Variants in C14orf132 observed in about 807,000 individuals in gnomAD.
The protein encoded by C14orf132 is chromosome 14 open reading frame 132.
A neutral mutation model predicts 5.8 loss-of-function variants in C14orf132; 6 were observed. That is an observed-to-expected ratio of 1.03 (90% CI 0.57 to 2.04). The LOEUF (loss-of-function observed/expected upper bound fraction) is 2.04. C14orf132 is among the 30% of genes most tolerant of loss of function. C14orf132 has a pLI of 0.00. For synonymous variants in C14orf132, 51 were observed against 49.8 expected (o/e 1.02, Z -0.10); for missense variants, 125 against 115.8 (o/e 1.08, Z -0.37).
At chr14:96,072,401 G>A (rs192237343) in intron 1 of C14orf132, among the ~76,000 whole-genome samples, 108 of 152,286 alleles carry the variant, frequency 7.1e-4, no homozygotes, top group African/African-American at 2.4e-3. Context: ...CACCTCCCAG[G>A]GGCCCTGAGG....
intron 1 of C14orf132, among the ~76,000 whole-genome samples, chr14:96,060,478 A>G (rs1887319247): frequency 6.6e-6 from 1 of 152,102 alleles, no homozygotes. Context: ...GTGCATGTTC[A>G]TTGCTTGAGT....
chr14:96,074,638 G>T (rs1887807941), intron 1 of C14orf132, among the ~76,000 whole-genome samples: 5 of 150,346 alleles, frequency 3.3e-5, no homozygotes, highest in Admixed American at 3.3e-4. Flanking sequence ...ATATATTGTT[G>T]CATATTGACG....
At chr14:96,049,994 A>T (rs953628475) in intron 1 of C14orf132, among the ~76,000 whole-genome samples, 10 of 152,158 alleles carry the variant, frequency 6.6e-5, no homozygotes, top group Admixed American at 3.9e-4. Context: ...GTTCATTGTT[A>T]CCTGTAGCTT....
chr14:96,084,151 C>T (rs1888111021), intron 1 of C14orf132, among the ~76,000 whole-genome samples: 1 of 152,204 alleles, frequency 6.6e-6, no homozygotes, highest in South Asian at 2.1e-4. Context: ...GCTCAGATCC[C>T]ATTCGTGGAG....
intron 1 of C14orf132, among the ~76,000 whole-genome samples, chr14:96,060,377 A>C (rs965983832): frequency 6.6e-6 from 1 of 152,200 alleles, no homozygotes; most frequent in Non-Finnish European, 1.5e-5. Flanking sequence ...GCAACAGTAA[A>C]AATGGAATGA....
At position 96,086,592 on chromosome 14, in the gene C14orf132, A is replaced by T; in HGVS notation, c.109A>T (p.Asn37Tyr). The change falls in exon 2 of 2, where the codon AAT (asparagine) becomes TAT (tyrosine). Residue 37 changes from asparagine to tyrosine, a missense_variant. Physicochemically the swap from Asn to Tyr is moderately radical, Grantham distance 143. Transcript: ENST00000555004. ...TEYSLFNSSA[N>Y]VHAAANGQGQ... ...GTACTCCCTGTTTAACTCCTCTGCC[A>T]ATGTCCACGCGGCTGCCAATGGCCA... 1 of 1,536,112 alleles carries T rather than the reference A, an allele frequency of 6.5e-7. No homozygotes were observed.
intron 1 of C14orf132, among the ~76,000 whole-genome samples, chr14:96,074,427 T>C (rs1174032843): frequency 1.3e-5 from 2 of 152,208 alleles, no homozygotes; most frequent in African/African-American, 4.8e-5. Context: ...TTGGATCTAA[T>C]AACTCTGCCT....
At chr14:96,069,020 C>T (rs1203291762) in intron 1 of C14orf132, among the ~76,000 whole-genome samples, 1 of 151,692 alleles carries the variant, frequency 6.6e-6, no homozygotes, top group Non-Finnish European at 1.5e-5. Context: ...TTGGGTTTTA[C>T]CCCCTCAGCT....
In C14orf132 at chr14:96,093,701, C is replaced by T. The variant is rs1006060101; in HGVS notation, c.*6966C>T. 1 of 152,196 alleles carries T rather than the reference C, an allele frequency of 6.6e-6. No individual in the cohort carries two copies. The highest frequency in any genetic ancestry group is 1.5e-5 in the Non-Finnish European group (1 of 68,044). The allele number at this position is 152,196 out of a possible 1,614,324, so 9.4% of individuals were successfully genotyped here. Reference sequence around the variant, plus strand: ...TTTGCTACCCAAGCACCTGGTTTCACCATGCGATCACTGACTTCTCTACAG... The same window carrying T: ...TTTGCTACCCAAGCACCTGGTTTCATCATGCGATCACTGACTTCTCTACAG... On this transcript the variant is annotated 3_prime_UTR_variant, in exon 2 of 2. Coordinates refer to ENST00000555004, the MANE Select transcript of C14orf132 (RefSeq NM_001252507.3).
chr14:96,075,427 G>T (rs145224547), intron 1 of C14orf132, among the ~76,000 whole-genome samples: 31 of 151,942 alleles, frequency 2.0e-4, no homozygotes, highest in African/African-American at 6.3e-4. Context: ...TTGCTTTATT[G>T]TACTGGCAAA....
rs576206263 is a variant in C14orf132, at chr14:96,092,123, T to C, written c.*5388T>C. 6.6e-6 allele frequency: 1 copy of C among 152,312 alleles called. No homozygotes were observed. The highest frequency in any genetic ancestry group is 2.4e-5 in the African/African-American group (1 of 41,568). 9.4% of individuals were successfully genotyped at this position (152,312 alleles called of 1,614,324 possible). A position where few individuals can be genotyped will look rare whatever the true frequency, so the allele number is the denominator to read the frequency against. On this transcript the variant is annotated 3_prime_UTR_variant, in exon 2 of 2. Transcript: ENST00000555004. ...AATTCTGAAATAAAAGTGTATGATG[T>C]GTTCTGAGTCACTGTAGAAGTCATG...
chr14:96,069,183 A>ATATATATATATATACG (rs372630503), intron 1 of C14orf132, among the ~76,000 whole-genome samples: 72 of 134,288 alleles, frequency 5.4e-4, no homozygotes, highest in African/African-American at 1.7e-3. Flanking sequence ...ATATATGTAT[A>ATATATATATATATACG]TATATATATA....
Position 96,049,645 on chromosome 14 carries a change from T to G in C14orf132, c.27+10118T>G, listed in dbSNP as rs1345411934. Among the ~76,000 whole-genome samples the G allele has an allele frequency of 2.6e-5, 2 of 76,440 alleles. 1 individual carries two copies. Among genetic ancestry groups the G allele is most frequent in the Admixed American group, 3.8e-4 (2 of 5,240 alleles). The allele number at this position is 76,440 out of a possible 152,430, so 50.1% of individuals were successfully genotyped here. On this transcript the variant is annotated intron_variant, in intron 1 of 1. Transcript: ENST00000555004. ...GTATATATATACATATATACGTATA[T>G]ATATATATAGAGAGAGAGAGAGAGA...
At chr14:96,064,486 T>C (rs1355511954) in intron 1 of C14orf132, among the ~76,000 whole-genome samples, 1 of 151,348 alleles carries the variant, frequency 6.6e-6, no homozygotes. Context: ...GATGGACTAC[T>C]AGGCAGCCAT....
Position 96,088,203 on chromosome 14 carries a change from G to A in C14orf132, c.*1468G>A, listed in dbSNP as rs1888264967. The A allele has an allele frequency of 6.6e-6, 1 of 152,180 alleles. No individual in the cohort carries two copies. The highest frequency in any genetic ancestry group is 2.1e-4 in the South Asian group (1 of 4,826). 9.4% of individuals were successfully genotyped at this position (152,180 alleles called of 1,614,324 possible). On this transcript the variant is annotated 3_prime_UTR_variant, in exon 2 of 2. Coordinates refer to ENST00000555004, the MANE Select transcript of C14orf132 (RefSeq NM_001252507.3). ...TTGCCGCTGTGGTCTCAGGAGAAAT[G>A]AGTGTTCTTGATGACAGGCAAAGGG... is the stretch of plus-strand genomic sequence containing the variant.
At chr14:96,058,825 C>T (rs1320077187) in intron 1 of C14orf132, among the ~76,000 whole-genome samples, 1 of 152,236 alleles carries the variant, frequency 6.6e-6, no homozygotes. Flanking sequence ...CTGGGAACAG[C>T]TCGGGGGCTA....
chr14:96,039,417 C>T lies in C14orf132; in HGVS notation c.-84C>T, dbSNP rs538114745. ...CGGTCTCCGGACGCTCGCTGCTCAG[C>T]CCGATCCCCGCCAACTGTGCAGGCG... On this transcript the variant is annotated 5_prime_UTR_variant, in exon 1 of 2. Coordinates refer to ENST00000555004, the MANE Select transcript of C14orf132 (RefSeq NM_001252507.3). This position sits in a 1 kb window ranked among gnomAD's most constrained non-coding sequence, Gnocchi z 5.3. 6.8e-5 allele frequency: 93 copies of T among 1,372,148 alleles called. No individual in the cohort carries two copies. The African/African-American group carries it at 1.2e-3, about 18-fold the overall frequency. 85.0% of individuals were successfully genotyped at this position (1,372,148 alleles called of 1,614,324 possible). A position where few individuals can be genotyped will look rare whatever the true frequency, so the allele number is the denominator to read the frequency against.
chr14:96,057,207 T>A (rs1198635118), intron 1 of C14orf132, among the ~76,000 whole-genome samples: 3 of 152,226 alleles, frequency 2.0e-5, no homozygotes, highest in Non-Finnish European at 4.4e-5. Context: ...CCCTCATGAA[T>A]GGATTAATGC....
intron 1 of C14orf132, among the ~76,000 whole-genome samples, chr14:96,049,569 T>TAC (rs1436879010): frequency 7.8e-6 from 1 of 127,470 alleles, no homozygotes; most frequent in African/African-American, 2.7e-5. Flanking sequence ...TACGTATATA[T>TAC]ACATATATAC....
Sources: allele counts gnomAD v4.1 joint callset (sites outside exome capture counted in the v4.1 genomes callset), GRCh38; gene constraint gnomAD v4.1.1; non-coding constraint Gnocchi (gnomAD v3.1); transcripts MANE v1.5; gene names NCBI Gene and HGNC (gene_info 2026-07-23, HGNC 2026-07-21).